Variants in ATF7IP2 observed in about 807,000 individuals in gnomAD.
ATF7IP2 encodes the protein activating transcription factor 7-interacting protein 2.
In ATF7IP2, 42 loss-of-function variants were observed where a neutral mutation model predicts 64.2. That is an observed-to-expected ratio of 0.65 (90% CI 0.51 to 0.85). ATF7IP2 has a LOEUF of 0.85. ATF7IP2 is among the 40% of genes least tolerant of loss of function. ATF7IP2 has a pLI of 0.00. For synonymous variants in ATF7IP2, 308 were observed against 272.8 expected (o/e 1.13, Z -1.27); for missense variants, 933 against 784.2 (o/e 1.19, Z -2.27).
intron 12 of ATF7IP2, among the ~76,000 whole-genome samples, chr16:10,475,722 G>GAAAAAAAAAAAAAAAAAA (rs386384218): frequency 1.7e-4 from 7 of 41,642 alleles, no homozygotes; most frequent in African/African-American, 4.8e-4. Flanking sequence ...TAAGAAGCCA[G>GAAAAAAAAAAAAAAAAAA]AAAAAAAAAA....
intron 8 of ATF7IP2, among the ~76,000 whole-genome samples, chr16:10,441,030 C>T (rs1368052667): frequency 6.6e-6 from 1 of 152,138 alleles, no homozygotes; most frequent in Non-Finnish European, 1.5e-5. Flanking sequence ...TGTTAGTTTG[C>T]TGAGAATGAT....
intron 1 of ATF7IP2, among the ~76,000 whole-genome samples, chr16:10,393,572 G>A (rs2047369911): frequency 6.6e-6 from 1 of 152,084 alleles, no homozygotes; most frequent in Non-Finnish European, 1.5e-5. Context: ...AAATTATTTT[G>A]CTCAATTGTA....
At chr16:10,396,305 A>G (rs1042470865) in intron 1 of ATF7IP2, among the ~76,000 whole-genome samples, 9 of 152,144 alleles carry the variant, frequency 5.9e-5, no homozygotes, top group Non-Finnish European at 1.2e-4. Context: ...TGGTTTGCAA[A>G]TATTTTCTCC....
At chr16:10,477,452 A>C (rs566320680) in intron 12 of ATF7IP2, among the ~76,000 whole-genome samples, 6 of 152,256 alleles carry the variant, frequency 3.9e-5, no homozygotes, top group Admixed American at 3.3e-4. Flanking sequence ...ACTCTCAATA[A>C]ATTAGGTATT....
At chr16:10,439,533 CTTT>C (rs760337763) in intron 7 of ATF7IP2, among the ~76,000 whole-genome samples, 2 of 102,972 alleles carry the variant, frequency 1.9e-5, no homozygotes, top group Non-Finnish European at 3.8e-5. Flanking sequence ...CGCCCCCAGC[CTTT>C]TTTTTTTTTT....
chr16:10,389,720 C>T (rs1305197532), intron 1 of ATF7IP2, among the ~76,000 whole-genome samples: 1 of 152,170 alleles, frequency 6.6e-6, no homozygotes, highest in Non-Finnish European at 1.5e-5. Flanking sequence ...TGCTGGCAAG[C>T]AACTGCTTTA....
chr16:10,438,423 T>G (rs1176670078), intron 7 of ATF7IP2, among the ~76,000 whole-genome samples, 188 bp downstream of exon 7: 1 of 151,588 alleles, frequency 6.6e-6, no homozygotes, highest in Non-Finnish European at 1.5e-5. Flanking sequence ...TTTTGGGTTT[T>G]TTTTTTTTTT....
At chr16:10,469,700 A>G (rs187079212) in intron 9 of ATF7IP2, among the ~76,000 whole-genome samples, 90 of 152,114 alleles carry the variant, frequency 5.9e-4, no homozygotes, top group Admixed American at 2.1e-3. Context: ...ACTTTGAACC[A>G]AGGAGGCAGA....
In ATF7IP2 at chr16:10,483,278, G is replaced by C. The variant is rs2050303731; in HGVS notation, c.*1029G>C. 1 of 152,108 alleles carries C rather than the reference G, an allele frequency of 6.6e-6. No individual in the cohort carries two copies. The allele number at this position is 152,108 out of a possible 1,614,324, so 9.4% of individuals were successfully genotyped here. On this transcript the variant is annotated 3_prime_UTR_variant, in exon 14 of 14. Coordinates refer to ENST00000562102, the MANE Select transcript of ATF7IP2 (RefSeq NM_001393719.1). Reference sequence around the variant, plus strand: ...ATGCATTTGTCCACCTTTGATTTGAGGCTTTAGTTTGCTGATTTCCTAAAT... The same window carrying C: ...ATGCATTTGTCCACCTTTGATTTGACGCTTTAGTTTGCTGATTTCCTAAAT...
At chr16:10,452,343 TTC>T (rs1403537968) in intron 8 of ATF7IP2, among the ~76,000 whole-genome samples, 3 of 152,164 alleles carry the variant, frequency 2.0e-5, no homozygotes, top group Non-Finnish European at 4.4e-5. Flanking sequence ...TGCTATTCCT[TTC>T]TGTTTGTTAC....
At chr16:10,478,102 C>A (rs997179222) in intron 12 of ATF7IP2, among the ~76,000 whole-genome samples, 5 of 150,776 alleles carry the variant, frequency 3.3e-5, no homozygotes, top group Non-Finnish European at 4.4e-5. Context: ...AGATTCAATG[C>A]CATCCCCATC....
intron 1 of ATF7IP2, among the ~76,000 whole-genome samples, chr16:10,389,988 C>T (rs1161219106): frequency 6.6e-6 from 1 of 152,308 alleles, no homozygotes; most frequent in South Asian, 2.1e-4. Context: ...TCTTAAGACC[C>T]TCCGTTCAAA....
At chr16:10,417,888 G>T (rs557044117) in intron 2 of ATF7IP2, among the ~76,000 whole-genome samples, 1 of 152,284 alleles carries the variant, frequency 6.6e-6, no homozygotes, top group East Asian at 1.9e-4. Flanking sequence ...TTTTTTATGA[G>T]GGTGTCATAA....
chr16:10,454,636 T>G (rs2049107182), intron 8 of ATF7IP2, among the ~76,000 whole-genome samples: 1 of 152,136 alleles, frequency 6.6e-6, no homozygotes, highest in East Asian at 1.9e-4. Context: ...ATTTGTTCTT[T>G]TTCCAGGTTC....
chr16:10,482,199 C>A lies in ATF7IP2; in HGVS notation c.1999C>A (p.Pro667Thr), dbSNP rs1343388996. 1 of 1,611,090 alleles carries A rather than the reference C, an allele frequency of 6.2e-7. No homozygotes were observed. Among genetic ancestry groups the A allele is most frequent in the Non-Finnish European group, 8.5e-7 (1 of 1,178,616 alleles). ...AAAAGATATTTTTGGACGATATGGACCATTCTGTGATATAAAATCTATCCC... is the reference window on the plus strand; with the variant it reads ...AAAAGATATTTTTGGACGATATGGAACATTCTGTGATATAAAATCTATCCC... The part of the protein sequence containing the change: ...QSKDIFGRYG[P>T]FCDIKSIPGF... Residue 667 changes from proline to threonine, a missense_variant, in exon 14 of 14, where the codon CCA becomes ACA. Coordinates refer to ENST00000562102, the MANE Select transcript of ATF7IP2 (RefSeq NM_001393719.1).
intron 1 of ATF7IP2, among the ~76,000 whole-genome samples, chr16:10,398,724 C>G (rs990821684): frequency 5.9e-5 from 9 of 151,950 alleles, no homozygotes; most frequent in Admixed American, 5.2e-4. Context: ...ATCTAAGACT[C>G]ATTTAAGGAA....
At chr16:10,472,506 T>C (rs1024656730) in intron 10 of ATF7IP2, among the ~76,000 whole-genome samples, 1 of 152,158 alleles carries the variant, frequency 6.6e-6, no homozygotes, top group East Asian at 1.9e-4. Context: ...GGTTTGTTTT[T>C]TGTCTTCTTA....
chr16:10,406,503 C>G (rs1027289198), intron 1 of ATF7IP2, among the ~76,000 whole-genome samples: 3 of 152,086 alleles, frequency 2.0e-5, no homozygotes, highest in Non-Finnish European at 4.4e-5. Flanking sequence ...TAATAAAGAT[C>G]ATTGCAGAAG....
At chr16:10,414,749 C>T (rs1286991777) in intron 2 of ATF7IP2, 137 bp downstream of exon 2, 1 of 151,748 alleles carries the variant, frequency 6.6e-6, no homozygotes, top group Admixed American at 6.6e-5. Context: ...TTTGGGTAGG[C>T]TCTGTCAGAG....
Sources: gnomAD v4.1 joint callset for allele counts (sites outside exome capture counted in the v4.1 genomes callset) on GRCh38, gnomAD v4.1.1 for gene constraint, MANE v1.5 for transcripts, NCBI Gene and HGNC (gene_info 2026-07-23, HGNC 2026-07-21) for gene names.